Variants in CSMD1 observed in about 807,000 individuals in gnomAD.
CSMD1 encodes the protein CUB and Sushi multiple domains 1.
CSMD1 carries 213 observed loss-of-function variants against 417.5 expected under a neutral mutation model. That is an observed-to-expected ratio of 0.51 (90% confidence interval 0.46 to 0.57). The LOEUF (loss-of-function observed/expected upper bound fraction) is 0.57, where lower values mean the gene tolerates loss of function less well. Ranked by LOEUF, CSMD1 falls within the 20% of genes least tolerant of loss-of-function variation. The pLI is 0.00. For synonymous variants in CSMD1, 2,862 were observed against 1,736.8 expected (o/e 1.65, Z -16.11); for missense variants, 6,923 against 4,529.7 (o/e 1.53, Z -15.17).
chr8:4,721,238 T>C lies in CSMD1; in HGVS notation c.86-83680A>G, dbSNP rs187095376. Among the ~76,000 whole-genome samples the C allele has an allele frequency of 3.4e-3, 516 of 152,314 alleles. 1 individual carries two copies. The highest frequency in any genetic ancestry group is 0.012 in the African/African-American group (499 of 41,564). ...CTGAAACATAGGAATTGTGTTTTCC[T>C]CATCCATATTTCCTCATGCCTAGTA... On this transcript the variant is annotated intron_variant, in intron 1 of 69. Transcript: ENST00000635120.
At chr8:3,327,879 A>G (rs540240201) in intron 23 of CSMD1, among the ~76,000 whole-genome samples, 1 of 152,122 alleles carries the variant, frequency 6.6e-6, no homozygotes, top group South Asian at 2.1e-4. Flanking sequence ...TTGGTCTTCC[A>G]TGGATATTCA....
intron 1 of CSMD1, among the ~76,000 whole-genome samples, chr8:4,834,045 G>A (rs750528925): frequency 5.3e-5 from 8 of 152,096 alleles, no homozygotes; most frequent in East Asian, 3.9e-4. Flanking sequence ...GCCAGTAGGT[G>A]CCACCATTAG....
At chr8:4,488,905 A>G (rs1258596408) in intron 2 of CSMD1, among the ~76,000 whole-genome samples, 2 of 152,188 alleles carry the variant, frequency 1.3e-5, no homozygotes, top group Admixed American at 6.5e-5. Context: ...TGCCTTCAGC[A>G]ATTACTAAAC....
intron 8 of CSMD1, among the ~76,000 whole-genome samples, chr8:3,605,627 T>A (rs548061733): frequency 1.3e-5 from 2 of 152,170 alleles, no homozygotes; most frequent in Non-Finnish European, 2.9e-5. Context: ...TGATGACACA[T>A]AATTCATAAA....
At chr8:4,203,001 C>A (rs1799750850) in intron 3 of CSMD1, among the ~76,000 whole-genome samples, 1 of 151,740 alleles carries the variant, frequency 6.6e-6, no homozygotes, top group African/African-American at 2.4e-5. Flanking sequence ...CATCGTAATT[C>A]CCAGAACCTG....
chr8:3,675,340 C>T (rs1033589765), intron 7 of CSMD1, among the ~76,000 whole-genome samples: 2 of 152,190 alleles, frequency 1.3e-5, no homozygotes, highest in African/African-American at 2.4e-5. Flanking sequence ...CATGTCATTG[C>T]TATCCATGTA....
intron 2 of CSMD1, among the ~76,000 whole-genome samples, chr8:4,522,949 G>A (rs553102203): frequency 6.6e-6 from 1 of 152,242 alleles, no homozygotes; most frequent in East Asian, 1.9e-4. Flanking sequence ...TACTAGGGAA[G>A]AACCTGGAAA....
chr8:3,895,108 T>G (rs2129129963), intron 5 of CSMD1, among the ~76,000 whole-genome samples: 1 of 152,318 alleles, frequency 6.6e-6, no homozygotes, highest in Non-Finnish European at 1.5e-5. Context: ...CTTAACATAT[T>G]GATTAAATGT....
intron 10 of CSMD1, among the ~76,000 whole-genome samples, chr8:3,499,147 A>G (rs1026254441): frequency 7.2e-5 from 11 of 152,228 alleles, no homozygotes; most frequent in Non-Finnish European, 1.6e-4. Flanking sequence ...TTTAGTAGGA[A>G]AAAACTTTTT....
chr8:3,889,672 T>A (rs1563181528), intron 5 of CSMD1, among the ~76,000 whole-genome samples: 1 of 151,490 alleles, frequency 6.6e-6, no homozygotes, highest in Non-Finnish European at 1.5e-5. Context: ...CTACTGTCTA[T>A]CTGCAAAATG....
chr8:4,583,280 C>T (rs143815343), intron 2 of CSMD1, among the ~76,000 whole-genome samples: 5 of 152,196 alleles, frequency 3.3e-5, no homozygotes, highest in South Asian at 2.1e-4. Context: ...CCGAGTGAAG[C>T]CAGCTGCGCT....
intron 1 of CSMD1, among the ~76,000 whole-genome samples, chr8:4,968,489 G>C (rs538224090): frequency 6.6e-6 from 1 of 152,026 alleles, no homozygotes; most frequent in Non-Finnish European, 1.5e-5. Context: ...TTAAGATATA[G>C]GAAAATGCAA....
chr8:3,400,364 T>G (rs1179479855), intron 15 of CSMD1, among the ~76,000 whole-genome samples: 2 of 152,132 alleles, frequency 1.3e-5, no homozygotes, highest in East Asian at 3.8e-4. Flanking sequence ...TACTCCAAGG[T>G]GAAAAAATCC....
chr8:3,128,290 C>T (rs1288244244), intron 41 of CSMD1: 1 of 152,448 alleles, frequency 6.6e-6, no homozygotes, highest in Admixed American at 6.5e-5. Flanking sequence ...TGATAAATAT[C>T]TTCATGCTAT....
chr8:3,750,806 G>T (rs1022171066), intron 6 of CSMD1, among the ~76,000 whole-genome samples: 1 of 152,254 alleles, frequency 6.6e-6, no homozygotes, highest in African/African-American at 2.4e-5. Flanking sequence ...CTGTTGCTCT[G>T]TCTCCAGCTG....
intron 5 of CSMD1, among the ~76,000 whole-genome samples, chr8:3,933,970 G>A (rs1040096931): frequency 6.6e-6 from 1 of 152,000 alleles, no homozygotes; most frequent in Admixed American, 6.6e-5. Context: ...CACACAGTCG[G>A]GCTAGTGAAG....
At chr8:4,217,981 C>T (rs1800784037) in intron 3 of CSMD1, among the ~76,000 whole-genome samples, 1 of 152,156 alleles carries the variant, frequency 6.6e-6, no homozygotes, top group African/African-American at 2.4e-5. Flanking sequence ...TGGTGGGAAA[C>T]AGTGAAGAAG....
intron 1 of CSMD1, among the ~76,000 whole-genome samples, chr8:4,918,723 G>A (rs1052412465): frequency 1.3e-5 from 2 of 152,030 alleles, no homozygotes; most frequent in Non-Finnish European, 2.9e-5. Flanking sequence ...ATTTCACCAA[G>A]AACTTTCCAG....
chr8:4,886,448 T>C (rs1039763825), intron 1 of CSMD1, among the ~76,000 whole-genome samples: 1 of 152,074 alleles, frequency 6.6e-6, no homozygotes, highest in African/African-American at 2.4e-5. Context: ...ATAAAAGATA[T>C]TGGTCTGTGG....
Sources: gnomAD v4.1 joint callset for allele counts (sites outside exome capture counted in the v4.1 genomes callset) on GRCh38, gnomAD v4.1.1 for gene constraint, MANE v1.5 for transcripts, NCBI Gene and HGNC (gene_info 2026-07-23, HGNC 2026-07-21) for gene names.